Variants in DDR2 observed in about 807,000 individuals in gnomAD.
The protein encoded by DDR2 is discoidin domain receptor tyrosine kinase 2, also known as discoidin domain-containing receptor 2.
Under a neutral mutation model 94.9 loss-of-function variants are expected in DDR2, and 27 were observed. That is an observed-to-expected ratio of 0.28 (90% confidence interval 0.21 to 0.39). The LOEUF (loss-of-function observed/expected upper bound fraction) is 0.39, where lower values mean the gene tolerates loss of function less well. DDR2 is among the 10% of genes least tolerant of loss of function. DDR2 has a pLI of 1.00. For synonymous variants in DDR2, 382 were observed against 377.2 expected, an observed-to-expected ratio of 1.01 and a Z score of -0.15; for missense variants, 783 against 1,076.0, an observed-to-expected ratio of 0.73 and a Z score of 3.81.
chr1:162,708,187 C>T lies in DDR2; in HGVS notation c.-27-10850C>T, dbSNP rs189897908. Among the ~76,000 whole-genome samples the T allele has an allele frequency of 1.7e-3, 256 of 152,264 alleles. 2 individuals carry two copies. In the Middle Eastern group the frequency reaches 0.024, roughly 14 times the overall value. ...TGCTCTGCCAAAAGGGCAGACAGAC[C>T]CTGCCTGGTGTCTGGGAAGTTGAGC... is the stretch of plus-strand genomic sequence containing the variant. On this transcript the variant is annotated intron_variant, in intron 2 of 17. Coordinates refer to ENST00000367921, the MANE Select transcript of DDR2 (RefSeq NM_006182.4).
chr1:162,654,813 C>T (rs1657878225), intron 1 of DDR2, among the ~76,000 whole-genome samples: 2 of 152,040 alleles, frequency 1.3e-5, no homozygotes, highest in Non-Finnish European at 2.9e-5. Flanking sequence ...GAAGCAGATA[C>T]GATAATCCAA....
At chr1:162,761,494 T>A in intron 9 of DDR2, 40 bp downstream of exon 9, 1 of 1,613,914 alleles carries the variant, frequency 6.2e-7, no homozygotes, top group Non-Finnish European at 8.5e-7. Flanking sequence ...GGGAGCAAGG[T>A]GATGAAGGAG....
chr1:162,752,604 A>G (rs1173501116), intron 3 of DDR2, among the ~76,000 whole-genome samples: 2 of 152,234 alleles, frequency 1.3e-5, no homozygotes, highest in African/African-American at 2.4e-5. Context: ...ACCAGGGCCA[A>G]AAATGTGTGT....
chr1:162,745,591 G>A (rs545030495), intron 3 of DDR2, among the ~76,000 whole-genome samples: 1 of 146,382 alleles, frequency 6.8e-6, no homozygotes, highest in East Asian at 2.0e-4. Flanking sequence ...TTTTTTTTTT[G>A]CCCATTGTTT....
At chr1:162,676,792 G>T (rs534922013) in intron 2 of DDR2, among the ~76,000 whole-genome samples, 25 of 152,288 alleles carry the variant, frequency 1.6e-4, no homozygotes, top group African/African-American at 6.0e-4. Context: ...CGGAAGTGAG[G>T]CTCACTAAGG....
chr1:162,774,324 T>A (rs1647405525), intron 14 of DDR2, among the ~76,000 whole-genome samples: 2 of 152,210 alleles, frequency 1.3e-5, no homozygotes, highest in East Asian at 3.8e-4. Flanking sequence ...CACACCTGGA[T>A]AACATATGCA....
intron 6 of DDR2, 88 bp downstream of exon 6, chr1:162,755,391 A>G: frequency 6.6e-7 from 1 of 1,519,302 alleles, no homozygotes; most frequent in Non-Finnish European, 9.1e-7. Flanking sequence ...AAGGGATGGG[A>G]TCAGTTACTC....
At chr1:162,775,546 C>G (rs1430156737) in intron 14 of DDR2, 106 bp from the exon 15 acceptor site, 2 of 1,252,570 alleles carry the variant, frequency 1.6e-6, no homozygotes, top group Non-Finnish European at 1.2e-6. Flanking sequence ...CAAAGGGAAA[C>G]AAGATTTGGC....
At chr1:162,634,803 C>G (rs1455231038) in intron 1 of DDR2, among the ~76,000 whole-genome samples, 1 of 152,198 alleles carries the variant, frequency 6.6e-6, no homozygotes, top group Non-Finnish European at 1.5e-5. Flanking sequence ...AGGACCAGTC[C>G]CCTGATTGCT....
chr1:162,786,565 T>G lies in DDR2; in HGVS notation c.*6319T>G, dbSNP rs1648158008. 1 of 152,242 alleles carries G rather than the reference T, an allele frequency of 6.6e-6. No individual in the cohort carries two copies. 9.4% of individuals were successfully genotyped at this position (152,242 alleles called of 1,614,324 possible). On this transcript the variant is annotated 3_prime_UTR_variant, in exon 18 of 18. Transcript: ENST00000367921. The stretch of plus-strand genomic sequence containing the variant: ...GTAAATAACAATGATTAAAGAGTCA[T>G]GCTACTGATGGATCTCCCTTTCTGT...
rs779010669 is a variant in DDR2, at chr1:162,775,671, A to G, written c.1876A>G (p.Ile626Val). 1 of 1,614,040 alleles carries G rather than the reference A, an allele frequency of 6.2e-7. No individual in the cohort carries two copies. Among genetic ancestry groups the G allele is most frequent in the Non-Finnish European group, 8.5e-7 (1 of 1,179,980 alleles). ...KNARNDFLKE[I>V]KIMSRLKDPN... ...CCCAAGGAATGATTTTCTTAAGGAG[A>G]TAAAGATCATGTCTCGGCTCAAGGA... Residue 626 changes from isoleucine (I) to valine (V), a missense_variant, in exon 15 of 18, where the codon ATA (isoleucine) becomes GTA (valine). Around this residue, in one of 2 missense-constraint regions of DDR2, gnomAD observed 264 missense variants for 428.2 expected, o/e 0.62. Coordinates refer to ENST00000367921, the MANE Select transcript of DDR2 (RefSeq NM_006182.4).
intron 2 of DDR2, among the ~76,000 whole-genome samples, chr1:162,679,491 T>C (rs1190198549): frequency 6.6e-6 from 1 of 152,196 alleles, no homozygotes; most frequent in Non-Finnish European, 1.5e-5. Flanking sequence ...CTCATTCTTT[T>C]TTATGGCTGC....
intron 3 of DDR2, among the ~76,000 whole-genome samples, chr1:162,735,398 A>G (rs1300894059): frequency 6.6e-6 from 1 of 152,176 alleles, no homozygotes; most frequent in East Asian, 1.9e-4. Flanking sequence ...TTGAGTCTGC[A>G]TTAGGGTCAT....
chr1:162,698,456 G>C (rs1159730476), intron 2 of DDR2, among the ~76,000 whole-genome samples: 1 of 152,110 alleles, frequency 6.6e-6, no homozygotes, highest in African/African-American at 2.4e-5. Flanking sequence ...TTCCAGGCCT[G>C]CACATTATAG....
chr1:162,710,427 A>G (rs2102012738), intron 2 of DDR2, among the ~76,000 whole-genome samples: 1 of 152,282 alleles, frequency 6.6e-6, no homozygotes, highest in Non-Finnish European at 1.5e-5. Flanking sequence ...GAGTTAGGAA[A>G]ACTTCAACAA....
In DDR2 at chr1:162,668,939, C is replaced by G. The variant is rs189653395; in HGVS notation, c.-28+13565C>G. ...GGGATGTGGAGAGATTTGACTTAGG[C>G]GCAGCAGAAACATTATCCATTCACA... On this transcript the variant is annotated intron_variant, in intron 2 of 17. Transcript: ENST00000367921. Among the ~76,000 whole-genome samples, 327 of 152,240 alleles carry G rather than the reference C, an allele frequency of 2.1e-3. 1 individual carries two copies. Among genetic ancestry groups the G allele is most frequent in the Non-Finnish European group, 3.8e-3 (261 of 68,018 alleles).
intron 2 of DDR2, among the ~76,000 whole-genome samples, chr1:162,677,845 T>C (rs1659211419): frequency 6.6e-6 from 1 of 152,258 alleles, no homozygotes; most frequent in African/African-American, 2.4e-5. Flanking sequence ...CTCCCTCAGC[T>C]TTCAGCTTTC....
intron 16 of DDR2, among the ~76,000 whole-genome samples, chr1:162,776,584 G>A (rs546546156): frequency 6.6e-6 from 1 of 152,134 alleles, no homozygotes; most frequent in African/African-American, 2.4e-5. Context: ...TTTAGGGAGA[G>A]AAGTTAAAAA....
At chr1:162,740,636 T>G (rs115199562) in intron 3 of DDR2, among the ~76,000 whole-genome samples, 299 of 152,332 alleles carry the variant, frequency 2.0e-3, no homozygotes, top group African/African-American at 6.8e-3. Context: ...ACTTGCCATC[T>G]TCTCTCACAT....
Sources: allele counts gnomAD v4.1 joint callset (sites outside exome capture counted in the v4.1 genomes callset), GRCh38; gene constraint gnomAD v4.1.1; regional missense constraint gnomAD v4.1.1; transcripts MANE v1.5; gene names NCBI Gene and HGNC (gene_info 2026-07-23, HGNC 2026-07-21).